The following MEF2C variants were observed in gnomAD, a reference collection of about 807,000 sequenced individuals.
The protein encoded by MEF2C is myocyte enhancer factor 2C, also known as myocyte-specific enhancer factor 2C.
MEF2C carries 6 observed loss-of-function variants against 50.5 expected under a neutral mutation model. The observed-to-expected ratio is 0.12, with a 90% CI of 0.07 to 0.23. The LOEUF (loss-of-function observed/expected upper bound fraction) is 0.23. Ranked by LOEUF, MEF2C falls within the 10% of genes least tolerant of loss-of-function variation. The probability of loss-of-function intolerance (pLI) is 1.00; values close to 1 mark genes in which losing one functional copy is unlikely to be tolerated. For synonymous variants in MEF2C, 183 were observed against 228.0 expected, an observed-to-expected ratio of 0.80 and a Z score of 1.78; for missense variants, 276 against 605.0, an observed-to-expected ratio of 0.46 and a Z score of 5.70.
At position 88,721,775 on chromosome 5, in the gene MEF2C, C is replaced by CT. The variant is rs1756421468; in HGVS notation, c.*828dup. On this transcript the variant is annotated 3_prime_UTR_variant, in exon 11 of 11. Transcript: ENST00000504921. ...GGTAGTGCTTTCTATACAAAAAGTC[C>CT]TTTTTGGTTTTTTACAGGACTGTTT... The CT allele has an allele frequency of 6.6e-6, 1 of 152,440 alleles. No homozygotes were observed. The highest frequency in any genetic ancestry group is 2.4e-5 in the African/African-American group (1 of 41,394). The allele number at this position is 152,440 out of a possible 1,614,324, so 9.4% of individuals were successfully genotyped here. A position where few individuals can be genotyped will look rare whatever the true frequency, so the allele number is the denominator to read the frequency against.
intron 4 of MEF2C, among the ~76,000 whole-genome samples, chr5:88,755,047 G>C (rs1774674220): frequency 6.6e-6 from 1 of 152,034 alleles, no homozygotes; most frequent in South Asian, 2.1e-4. Context: ...CCCATATCCT[G>C]ATCTCTTTCT....
intron 3 of MEF2C, among the ~76,000 whole-genome samples, chr5:88,788,137 T>C (rs1056178112): frequency 9.9e-5 from 15 of 152,236 alleles, no homozygotes; most frequent in Admixed American, 5.2e-4. Context: ...ATATCCTTTA[T>C]TGGGCTGTAT....
At position 88,722,812 on chromosome 5, in the gene MEF2C, G is replaced by A. The variant is rs1305718026; in HGVS notation, c.1214C>T (p.Pro405Leu). The A allele has an allele frequency of 6.2e-7, 1 of 1,614,014 alleles. No homozygotes were observed. Among genetic ancestry groups the A allele is most frequent in the Non-Finnish European group, 8.5e-7 (1 of 1,179,890 alleles). The change falls in exon 11 of 11, where the codon CCT (proline) becomes CTT (leucine). Residue 405 changes from proline (P) to leucine (L), a missense_variant. Around this residue, in one of 2 missense-constraint regions of MEF2C, gnomAD observed 256 missense variants for 468.1 expected, o/e 0.55. Transcript: ENST00000504921. The part of the protein sequence containing the change: ...VSPPRDRTTT[P>L]SRYPQHTRHE... ...GCGCGTGTGTTGTGGGTATCTCGAA[G>A]GGGTGGTGGTACGGTCTCTAGGAGG...
At chr5:88,817,031 G>A (rs1358544768) in intron 2 of MEF2C, among the ~76,000 whole-genome samples, 2 of 151,410 alleles carry the variant, frequency 1.3e-5, no homozygotes, top group South Asian at 2.1e-4. Context: ...TTGTGGAGGT[G>A]GCCAAAAAAA....
chr5:88,879,943 T>C (rs917882263), intron 1 of MEF2C, among the ~76,000 whole-genome samples: 1 of 152,098 alleles, frequency 6.6e-6, no homozygotes, highest in Non-Finnish European at 1.5e-5. Flanking sequence ...GTAACGTGCA[T>C]AGACTCTGTT....
intron 9 of MEF2C, among the ~76,000 whole-genome samples, 150 bp downstream of exon 9, chr5:88,729,066 CTT>C (rs1760248799): frequency 1.3e-5 from 2 of 152,212 alleles, no homozygotes; most frequent in Non-Finnish European, 2.9e-5. Context: ...TGGATATTCA[CTT>C]TGTCTTAGTG....
upstream of MEF2C, among the ~76,000 whole-genome samples, chr5:88,885,296 C>T (rs1833957122): frequency 6.6e-6 from 1 of 152,082 alleles, no homozygotes; most frequent in African/African-American, 2.4e-5. Context: ...GGCAACTGTC[C>T]CAAGGCTTCA....
chr5:88,797,949 C>G (rs1796696185), intron 3 of MEF2C, among the ~76,000 whole-genome samples: 1 of 152,288 alleles, frequency 6.6e-6, no homozygotes, highest in African/African-American at 2.4e-5. Flanking sequence ...AAATTCTTTT[C>G]TTTAAGAATG....
intron 6 of MEF2C, among the ~76,000 whole-genome samples, chr5:88,746,084 G>A (rs910520522): frequency 5.3e-5 from 8 of 152,320 alleles, no homozygotes; most frequent in Non-Finnish European, 1.0e-4. Context: ...GTAGGAATGG[G>A]CCTAGGGATA....
intron 6 of MEF2C, chr5:88,737,928 G>A: frequency 1.0e-6 from 1 of 985,312 alleles, no homozygotes. Context: ...TTTGTGTTAG[G>A]AAAGGAACAA....
intron 3 of MEF2C, among the ~76,000 whole-genome samples, chr5:88,774,853 A>G (rs1784060109): frequency 6.6e-6 from 1 of 152,190 alleles, no homozygotes. Flanking sequence ...TTCTGCTGCA[A>G]ACACACTGAC....
chr5:88,745,120 TAGA>T (rs1768767994), intron 6 of MEF2C, among the ~76,000 whole-genome samples: 1 of 152,240 alleles, frequency 6.6e-6, no homozygotes, highest in South Asian at 2.1e-4. Context: ...ACTTCATGGC[TAGA>T]AGATCTATTT....
At chr5:88,795,151 T>C (rs1380276796) in intron 3 of MEF2C, among the ~76,000 whole-genome samples, 1 of 152,168 alleles carries the variant, frequency 6.6e-6, no homozygotes. Context: ...CATATGAAAT[T>C]TAAAGTAGTT....
intron 1 of MEF2C, among the ~76,000 whole-genome samples, chr5:88,888,587 G>A (rs866051602): frequency 6.6e-6 from 1 of 152,180 alleles, no homozygotes; most frequent in African/African-American, 2.4e-5. Flanking sequence ...AAGTGATTTG[G>A]TGAGTTCTCT....
At chr5:88,797,384 C>G (rs1796419913) in intron 3 of MEF2C, among the ~76,000 whole-genome samples, 1 of 148,194 alleles carries the variant, frequency 6.7e-6, no homozygotes, top group Admixed American at 6.8e-5. Context: ...ATGTAATGCC[C>G]TTCTTGAGTC....
At chr5:88,735,136 T>C (rs750625690) in intron 6 of MEF2C, 106 of 985,252 alleles carry the variant, frequency 1.1e-4, no homozygotes, top group Non-Finnish European at 1.2e-4. Context: ...GATGAATACA[T>C]GCGTGTGGTT....
chr5:88,776,436 A>C (rs1784785096), intron 3 of MEF2C, among the ~76,000 whole-genome samples: 1 of 152,056 alleles, frequency 6.6e-6, no homozygotes, highest in Admixed American at 6.6e-5. Context: ...TAGCTCTCAA[A>C]ACCTATTCCC....
In MEF2C at chr5:88,761,176, A is replaced by C. The variant is rs2152672913; in HGVS notation, c.402+9T>G. 6.2e-7 allele frequency: 1 copy of C among 1,614,008 alleles called. No individual in the cohort carries two copies. The highest frequency in any genetic ancestry group is 8.5e-7 in the Non-Finnish European group (1 of 1,179,890). ...AGTAAAAAAAATGAAGGGTGTTCTGAGTACTTACACACAATCTTTGCCTGC... is the reference window on the plus strand; with the variant it reads ...AGTAAAAAAAATGAAGGGTGTTCTGCGTACTTACACACAATCTTTGCCTGC... On this transcript the variant is annotated intron_variant, in intron 4 of 10. Coordinates refer to ENST00000504921, the MANE Select transcript of MEF2C (RefSeq NM_002397.5).
At chr5:88,903,030 T>TAA (rs1028481182) in intron 1 of MEF2C, among the ~76,000 whole-genome samples, 24 of 152,010 alleles carry the variant, frequency 1.6e-4, no homozygotes, top group African/African-American at 5.8e-4. Context: ...GAAGCATAGT[T>TAA]AAAAGAATGA....
Sources: allele counts gnomAD v4.1 joint callset (sites outside exome capture counted in the v4.1 genomes callset), GRCh38; gene constraint gnomAD v4.1.1; regional missense constraint gnomAD v4.1.1; transcripts MANE v1.5; gene names NCBI Gene and HGNC (gene_info 2026-07-23, HGNC 2026-07-21).